The following SYNJ1 variants were observed in gnomAD, a reference collection of about 807,000 sequenced individuals.
SYNJ1 encodes the protein synaptojanin 1.
In SYNJ1, 78 loss-of-function variants were observed where a neutral mutation model predicts 168.2. That is an observed-to-expected ratio of 0.46 (90% CI 0.39 to 0.56). SYNJ1 has a LOEUF of 0.56. Among genes scored for constraint, SYNJ1 ranks in the 20% least tolerant of loss-of-function variants. The probability of loss-of-function intolerance (pLI) is 0.00; values close to 1 mark genes in which losing one functional copy is unlikely to be tolerated. For missense variants in SYNJ1, 1,303 were observed against 1,597.6 expected (o/e 0.82, Z 3.14); for synonymous variants, 539 against 548.6 (o/e 0.98, Z 0.24).
At chr21:32,700,756 C>T (rs1314953387) in intron 3 of SYNJ1, among the ~76,000 whole-genome samples, 1 of 152,132 alleles carries the variant, frequency 6.6e-6, no homozygotes, top group African/African-American at 2.4e-5. Flanking sequence ...TCAGAAAATT[C>T]AGGTAAGATA....
intron 2 of SYNJ1, among the ~76,000 whole-genome samples, chr21:32,721,881 A>T (rs2043235566): frequency 1.3e-5 from 2 of 152,258 alleles, no homozygotes; most frequent in South Asian, 4.1e-4. Flanking sequence ...GTCAGATAAC[A>T]ATTCTCAAAA....
chr21:32,690,609 G>A (rs1054713345), intron 6 of SYNJ1, among the ~76,000 whole-genome samples: 7 of 152,178 alleles, frequency 4.6e-5, no homozygotes, highest in Admixed American at 1.3e-4. Flanking sequence ...AAAAAGTTGC[G>A]GCCAGGTGTG....
intron 27 of SYNJ1, among the ~76,000 whole-genome samples, 159 bp downstream of exon 27, chr21:32,643,251 A>G (rs1016082634): frequency 6.6e-5 from 10 of 152,240 alleles, no homozygotes; most frequent in South Asian, 2.1e-4. Flanking sequence ...TGAAGAGAGG[A>G]AAAAATACAA....
At chr21:32,653,203 A>T (rs1380425836) in intron 22 of SYNJ1, 85 bp downstream of exon 22, 4 of 1,071,198 alleles carry the variant, frequency 3.7e-6, no homozygotes, top group Non-Finnish European at 5.6e-6. Context: ...CATTTAGATA[A>T]TCTTGCTGCA....
chr21:32,728,332 T>G, upstream of SYNJ1: 1 of 339,232 alleles, frequency 2.9e-6, no homozygotes, highest in South Asian at 3.6e-5. Flanking sequence ...GGGCTGCGTA[T>G]TGCTGCTCCC....
chr21:32,701,392 G>C (rs560993998), intron 3 of SYNJ1, among the ~76,000 whole-genome samples: 1 of 151,966 alleles, frequency 6.6e-6, no homozygotes, highest in African/African-American at 2.4e-5. Flanking sequence ...ATGTTGATTT[G>C]TATCATAGTG....
chr21:32,697,779 C>T (rs187358074), intron 4 of SYNJ1, among the ~76,000 whole-genome samples: 1 of 152,166 alleles, frequency 6.6e-6, no homozygotes, highest in Admixed American at 6.5e-5. Context: ...CCAGCCTGGG[C>T]GACAGAGTGA....
intron 15 of SYNJ1, among the ~76,000 whole-genome samples, chr21:32,668,048 T>TGC (rs2041019672): frequency 7.3e-6 from 1 of 137,104 alleles, no homozygotes; most frequent in Non-Finnish European, 1.6e-5. Flanking sequence ...TGTGTGTGTG[T>TGC]GCATGTGTGT....
intron 15 of SYNJ1, among the ~76,000 whole-genome samples, chr21:32,668,268 A>G (rs1435026829): frequency 3.3e-5 from 5 of 152,140 alleles, no homozygotes; most frequent in East Asian, 1.9e-4. Context: ...GGGTTTCACT[A>G]TATTGGCCAG....
rs1486511197 is a variant in SYNJ1, at chr21:32,727,979, C to T, written c.-56G>A. 3.3e-6 allele frequency: 5 copies of T among 1,535,058 alleles called. No individual in the cohort carries two copies. In the East Asian group the frequency reaches 1.2e-4, roughly 38 times the overall value. On this transcript the variant is annotated 5_prime_UTR_variant, in exon 1 of 33. Transcript: ENST00000674351. ...CCGGCTCCTCCTCCTCCTTCTCCCG[C>T]AGCCGCCGCCACAGCCGCCGGGAGC...
At chr21:32,642,709 T>C (rs1421990770) in intron 27 of SYNJ1, among the ~76,000 whole-genome samples, 1 of 152,252 alleles carries the variant, frequency 6.6e-6, no homozygotes, top group African/African-American at 2.4e-5. Flanking sequence ...ATCTGCCTTA[T>C]GGAAGACAGT....
intron 30 of SYNJ1, among the ~76,000 whole-genome samples, 159 bp downstream of exon 30, chr21:32,639,512 C>T (rs936159962): frequency 5.3e-5 from 8 of 152,246 alleles, no homozygotes; most frequent in East Asian, 1.9e-4. Context: ...CCACCTTAGC[C>T]GCCCGAGTAG....
intron 24 of SYNJ1, 88 bp downstream of exon 24, chr21:32,646,305 C>T: frequency 1.5e-6 from 2 of 1,331,044 alleles, no homozygotes; most frequent in Non-Finnish European, 2.1e-6. Flanking sequence ...CACTTTATCA[C>T]CTAGGTATGA....
chr21:32,640,742 T>C (rs564672661), intron 29 of SYNJ1, among the ~76,000 whole-genome samples: 1 of 152,318 alleles, frequency 6.6e-6, no homozygotes, highest in East Asian at 1.9e-4. Context: ...ATATTGCTTT[T>C]AAACACAGAA....
rs751248342 is a variant in SYNJ1, at chr21:32,699,985, G to A, written c.332C>T (p.Ser111Leu). 3 of 1,614,162 alleles carry A rather than the reference G, an allele frequency of 1.9e-6. No homozygotes were observed. Among genetic ancestry groups the A allele is most frequent in the Admixed American group, 1.7e-5 (1 of 60,028 alleles). ...TEFISLRIDS[S>L]DEDRISEVRK... ...CACTTCTGAAATGCGATCCTCATCT[G>A]AAGAATCGATTCGCAGTGATATAAA... The change falls in exon 4 of 33, where the codon TCA becomes TTA. Residue 111 changes from serine (S) to leucine (L), a missense_variant. This residue lies in a region of SYNJ1 where 920 missense variants were observed against 1,208.8 expected (regional missense o/e 0.76). Coordinates refer to ENST00000674351, the MANE Select transcript of SYNJ1 (RefSeq NM_203446.3).
chr21:32,632,747 C>A (rs895830292), intron 32 of SYNJ1, among the ~76,000 whole-genome samples: 1 of 152,226 alleles, frequency 6.6e-6, no homozygotes, highest in African/African-American at 2.4e-5. Context: ...AGGCTGGGCG[C>A]GGTGGCTCAA....
At chr21:32,637,942 G>T (rs2039654014) in intron 31 of SYNJ1, among the ~76,000 whole-genome samples, 1 of 152,070 alleles carries the variant, frequency 6.6e-6, no homozygotes, top group Admixed American at 6.5e-5. Context: ...CAACTAGCTG[G>T]ACATACCTAT....
In SYNJ1 at chr21:32,685,677, A is replaced by G. The variant is rs1464430216; in HGVS notation, c.1118+71T>C. 13 of 1,105,244 alleles carry G rather than the reference A, an allele frequency of 1.2e-5. No homozygotes were observed. In the East Asian group the frequency reaches 3.6e-4, roughly 31 times the overall value. 68.5% of individuals were successfully genotyped at this position (1,105,244 alleles called of 1,614,324 possible). Reference sequence around the variant, plus strand: ...ACTTTAATTTTAAAAAGAAAATTTAAGAGTTCAACGTTAAGAATAATTTTT... The same window carrying G: ...ACTTTAATTTTAAAAAGAAAATTTAGGAGTTCAACGTTAAGAATAATTTTT... On this transcript the variant is annotated intron_variant, in intron 9 of 32. Coordinates refer to ENST00000674351, the MANE Select transcript of SYNJ1 (RefSeq NM_203446.3).
chr21:32,700,020 A>G lies in SYNJ1; in HGVS notation c.297T>C (p.Thr99=). 1 of 1,614,222 alleles carries G rather than the reference A, an allele frequency of 6.2e-7. No individual in the cohort carries two copies. The highest frequency in any genetic ancestry group is 1.3e-5 in the African/African-American group (1 of 75,054). The change falls in exon 4 of 33, where the codon ACT becomes ACC. Residue 99 remains threonine, a synonymous_variant. Transcript: ENST00000674351. ...KIQESEVFRV[T]STEFISLRID... ...TTCGCAGTGATATAAACTCAGTGGA[A>G]GTAACTCGGAAAACTTCAGATTCTT... is the stretch of plus-strand genomic sequence containing the variant.
Sources: allele counts gnomAD v4.1 joint callset (sites outside exome capture counted in the v4.1 genomes callset), GRCh38; gene constraint gnomAD v4.1.1; regional missense constraint gnomAD v4.1.1; transcripts MANE v1.5; gene names NCBI Gene and HGNC (gene_info 2026-07-23, HGNC 2026-07-21).